STK11: variants seen among roughly 807,000 people sequenced by gnomAD.
STK11 encodes serine/threonine-protein kinase STK11.
STK11 carries 8 observed loss-of-function variants against 47.3 expected under a neutral mutation model. The ratio of observed to expected loss-of-function variants is 0.17; its 90% CI spans 0.10 to 0.31. The LOEUF (loss-of-function observed/expected upper bound fraction) is 0.31, where lower values mean the gene tolerates loss of function less well. STK11 is among the 10% of genes least tolerant of loss of function. The probability of loss-of-function intolerance (pLI) is 1.00; values close to 1 mark genes in which losing one functional copy is unlikely to be tolerated. For missense variants in STK11, 475 were observed against 605.0 expected (o/e 0.79, Z 2.25); for synonymous variants, 330 against 255.8 (o/e 1.29, Z -2.77).
rs370976710 is a variant in STK11 at position 1,220,601 on chromosome 19, G to T, written c.618G>T (p.Ala206=). Reference sequence around the variant, plus strand: ...CACAGGCACTGCACCCGTTCGCGGCGGACGACACCTGCCGGACCAGCCAGG... The same window carrying T: ...CACAGGCACTGCACCCGTTCGCGGCTGACGACACCTGCCGGACCAGCCAGG... The part of the protein sequence containing the change: ...GVAEALHPFA[A]DDTCRTSQGS... Residue 206 remains alanine (A), a synonymous_variant, in exon 5 of 10, where the codon GCG becomes GCT. Transcript: ENST00000326873. 5 of 1,593,194 alleles carry T rather than the reference G, an allele frequency of 3.1e-6. No homozygotes were observed. The highest frequency in any genetic ancestry group is 4.3e-6 in the Non-Finnish European group (5 of 1,170,126).
At chr19:1,207,285 C>T (rs2080674719) in intron 1 of STK11, 82 bp downstream of exon 1, 7 of 1,490,330 alleles carry the variant, frequency 4.7e-6, no homozygotes, top group Non-Finnish European at 5.4e-6. Flanking sequence ...TCTCTCCTCC[C>T]TCCCTCCCTT....
At position 1,228,188 on chromosome 19, in the gene STK11, A is replaced by AC; in HGVS notation, c.*615dup. On this transcript the variant is annotated 3_prime_UTR_variant, in exon 10 of 10. Transcript: ENST00000326873. ...GCGGCCGCCTTTGCGCTCTCGGGTC[A>AC]CCCTGCTTTGGCGGCCCGGCCGGAG... The AC allele has an allele frequency of 9.6e-7, 1 of 1,040,600 alleles. No homozygotes were observed. Among genetic ancestry groups the AC allele is most frequent in the Non-Finnish European group, 1.2e-6 (1 of 857,932 alleles). The allele number at this position is 1,040,600 out of a possible 1,614,324, so 64.5% of individuals were successfully genotyped here.
In STK11 at chr19:1,206,755, T is replaced by C. The variant is rs961636256; in HGVS notation, c.-159T>C. On this transcript the variant is annotated 5_prime_UTR_variant, in exon 1 of 10. Coordinates refer to ENST00000326873, the MANE Select transcript of STK11 (RefSeq NM_000455.5). ...CTGACGTGTAGAACAATCGTTTCTG[T>C]TGGAAGAAGGGTTTTTCCCTTCCTT... 6.2e-6 allele frequency: 6 copies of C among 972,484 alleles called. No individual in the cohort carries two copies. The highest frequency in any genetic ancestry group is 5.8e-5 in the Admixed American group (2 of 34,320). 60.2% of individuals were successfully genotyped at this position (972,484 alleles called of 1,614,324 possible).
rs1462232648 is a variant in STK11, at chr19:1,228,259, C to A, written c.*683C>A. 6.7e-6 allele frequency: 3 copies of A among 448,418 alleles called. No homozygotes were observed. The highest frequency in any genetic ancestry group is 9.5e-6 in the Non-Finnish European group (3 of 315,344). The allele number at this position is 448,418 out of a possible 1,614,324, so 27.8% of individuals were successfully genotyped here. On this transcript the variant is annotated 3_prime_UTR_variant, in exon 10 of 10. Transcript: ENST00000326873. Reference sequence around the variant, plus strand: ...CCCAAGGCCACTGCGCTCTTGGGACCCCAGAGAAAACCCGGAGCAAGCAGG... The same window carrying A: ...CCCAAGGCCACTGCGCTCTTGGGACACCAGAGAAAACCCGGAGCAAGCAGG...
chr19:1,224,294 C>T (rs962528087), intron 8 of STK11: 9 of 985,412 alleles, frequency 9.1e-6, no homozygotes, highest in Non-Finnish European at 1.1e-5. Flanking sequence ...AGGGTCTCAG[C>T]TCCTGGGCTC....
chr19:1,208,846 C>T (rs2080689187), intron 1 of STK11, among the ~76,000 whole-genome samples: 2 of 147,510 alleles, frequency 1.4e-5, no homozygotes, highest in Non-Finnish European at 3.0e-5. Flanking sequence ...TGGTCTTGAA[C>T]TTCTGACCTC....
At position 1,227,680 on chromosome 19, in the gene STK11, A is replaced by G. The variant is rs1245925847; in HGVS notation, c.*104A>G. 4.7e-6 allele frequency: 5 copies of G among 1,069,114 alleles called. No individual in the cohort carries two copies. The highest frequency in any genetic ancestry group is 5.7e-6 in the Non-Finnish European group (5 of 881,728). The allele number at this position is 1,069,114 out of a possible 1,614,324, so 66.2% of individuals were successfully genotyped here. On this transcript the variant is annotated 3_prime_UTR_variant, in exon 10 of 10. Transcript: ENST00000326873. ...CCGCCCTCCCGGAGAGGTGGCCGCC[A>G]TGCTTCTGTGCCGACCACGCCCCAG...
At chr19:1,211,618 C>T (rs1379874115) in intron 1 of STK11, among the ~76,000 whole-genome samples, 2 of 152,228 alleles carry the variant, frequency 1.3e-5, no homozygotes, top group East Asian at 1.9e-4. Flanking sequence ...TCCCACGGCC[C>T]TGCCCTTTCC....
intron 1 of STK11, among the ~76,000 whole-genome samples, chr19:1,210,476 C>T (rs957096643): frequency 6.6e-6 from 1 of 152,206 alleles, no homozygotes; most frequent in Non-Finnish European, 1.5e-5. Flanking sequence ...TCTTCCCTTC[C>T]TTCCCAGAAA....
Position 1,219,445 on chromosome 19 carries a change from C to CGGGGGCT in STK11, c.464+38_464+39insTGGGGGC, listed in dbSNP as rs869127541. 15 of 560,792 alleles carry CGGGGGCT rather than the reference C, an allele frequency of 2.7e-5. No homozygotes were observed. Among genetic ancestry groups the CGGGGGCT allele is most frequent in the Non-Finnish European group, 3.9e-5 (13 of 333,570 alleles). The allele number at this position is 560,792 out of a possible 1,614,324, so 34.7% of individuals were successfully genotyped here. A position where few individuals can be genotyped will look rare whatever the true frequency, so the allele number is the denominator to read the frequency against. On this transcript the variant is annotated intron_variant, in intron 3 of 9. Transcript: ENST00000326873. ...GCGCGGGGCAGGGGCCAGGGTGGGG[C>CGGGGGCT]GGGGGCCGGGGGCCAGGCAGGGCAG...
rs972521875 is a variant in STK11 at position 1,206,551 on chromosome 19, G to C, written c.-363G>C. 3.4e-5 allele frequency: 13 copies of C among 383,482 alleles called. No homozygotes were observed. Among genetic ancestry groups the C allele is most frequent in the African/African-American group, 2.4e-4 (12 of 49,322 alleles). The allele number at this position is 383,482 out of a possible 1,614,324, so 23.8% of individuals were successfully genotyped here. A position where few individuals can be genotyped will look rare whatever the true frequency, so the allele number is the denominator to read the frequency against. On this transcript the variant is annotated 5_prime_UTR_variant, in exon 1 of 10. An upstream open reading frame in the 5' UTR loses its in-frame stop. Coordinates refer to ENST00000326873, the MANE Select transcript of STK11 (RefSeq NM_000455.5). ...CCTGAGGTCCCCGGAGGATGACCTA[G>C]CACTGAAAAGCCCCGGCCGGCCTCC...
chr19:1,215,398 C>T (rs1166120388), intron 1 of STK11, among the ~76,000 whole-genome samples: 1 of 152,258 alleles, frequency 6.6e-6, no homozygotes, highest in African/African-American at 2.4e-5. Context: ...GGCAGCCCGA[C>T]AGGGCACCGG....
intron 7 of STK11, among the ~76,000 whole-genome samples, chr19:1,222,762 C>T (rs1218063803): frequency 6.6e-6 from 1 of 152,212 alleles, no homozygotes; most frequent in Non-Finnish European, 1.5e-5. Flanking sequence ...ACCTGGGACA[C>T]AGGCCTCAGG....
Position 1,207,184 on chromosome 19 carries a change from G to A in STK11, c.271G>A (p.Gly91Arg), listed in dbSNP as rs1284530663. The A allele has an allele frequency of 1.2e-6, 2 of 1,607,450 alleles. No individual in the cohort carries two copies. The highest frequency in any genetic ancestry group is 1.7e-5 in the Admixed American group (1 of 58,762). ...KKKKLRRIPN[G>R]EANVKKEIQL... ...GAAGAAGTTGCGAAGGATCCCCAAC[G>A]GGGAGGCCAACGTGAAGAAGTAAGT... Residue 91 changes from glycine (G) to arginine (R), a missense_variant, in exon 1 of 10, where the codon GGG becomes AGG. Physicochemically the swap from Gly to Arg is moderately radical, Grantham distance 125. Around this residue, in one of 5 missense-constraint regions of STK11, gnomAD observed 47 missense variants for 103.7 expected, o/e 0.45. Transcript: ENST00000326873.
chr19:1,213,428 C>T (rs954907469), intron 1 of STK11, among the ~76,000 whole-genome samples: 2 of 152,242 alleles, frequency 1.3e-5, no homozygotes, highest in African/African-American at 4.8e-5. Flanking sequence ...TCAGCCATCA[C>T]TCCCCATTCC....
At position 1,216,031 on chromosome 19, in the gene STK11, C is replaced by T. The variant is rs1195772158; in HGVS notation, c.291-2386C>T. ...TACAGGCGTGAGTCACCGCGCCTGGCCCCCCAGCTGTTTTTTATGCTCCAT... is the reference window on the plus strand; with the variant it reads ...TACAGGCGTGAGTCACCGCGCCTGGTCCCCCAGCTGTTTTTTATGCTCCAT... On this transcript the variant is annotated intron_variant, in intron 1 of 9. Coordinates refer to ENST00000326873, the MANE Select transcript of STK11 (RefSeq NM_000455.5). 2.6e-5 allele frequency among the ~76,000 whole-genome samples: 4 copies of T among 152,052 alleles called. No homozygotes were observed. In the East Asian group the frequency reaches 5.8e-4, roughly 22 times the overall value.
chr19:1,218,511 C>G lies in STK11; in HGVS notation c.374+11C>G, dbSNP rs368923696. On this transcript the variant is annotated intron_variant, in intron 2 of 9. Coordinates refer to ENST00000326873, the MANE Select transcript of STK11 (RefSeq NM_000455.5). Reference sequence around the variant, plus strand: ...AGAGAAGCAGAAAATATATCCTTTCCGGTGTTGGGACCGCGGGGCCTCCGT... The same window carrying G: ...AGAGAAGCAGAAAATATATCCTTTCGGGTGTTGGGACCGCGGGGCCTCCGT... The G allele has an allele frequency of 6.2e-7, 1 of 1,612,476 alleles. No individual in the cohort carries two copies. The highest frequency in any genetic ancestry group is 1.1e-5 in the South Asian group (1 of 91,056).
At chr19:1,221,895 G>C in intron 6 of STK11, 54 bp from the exon 7 acceptor site, 1 of 1,545,384 alleles carries the variant, frequency 6.5e-7, no homozygotes, top group Non-Finnish European at 8.8e-7. Flanking sequence ...GGGACGGTTG[G>C]TGGGGTCTCA....
At chr19:1,208,094 C>A (rs548988644) in intron 1 of STK11, among the ~76,000 whole-genome samples, 1 of 152,306 alleles carries the variant, frequency 6.6e-6, no homozygotes, top group East Asian at 1.9e-4. Context: ...CAAAACTTTG[C>A]CTCCTGTTTC....
Sources: allele counts gnomAD v4.1 joint callset (sites outside exome capture counted in the v4.1 genomes callset), GRCh38; gene constraint gnomAD v4.1.1; regional missense constraint gnomAD v4.1.1; transcripts MANE v1.5; gene names NCBI Gene and HGNC (gene_info 2026-07-23, HGNC 2026-07-21).